The following CRACD variants were observed in gnomAD, a reference collection of about 807,000 sequenced individuals.
The protein encoded by CRACD is capping protein inhibiting regulator of actin dynamics, also known as capping protein-inhibiting regulator of actin dynamics.
Under a neutral mutation model 106.8 loss-of-function variants are expected in CRACD, and 56 were observed. The observed-to-expected ratio is 0.52, with a 90% confidence interval of 0.42 to 0.66. CRACD has a LOEUF of 0.66. CRACD is among the 30% of genes least tolerant of loss of function. The pLI, the probability that CRACD is intolerant of heterozygous loss-of-function variation, is 0.00. For missense variants in CRACD, 1,730 were observed against 1,623.2 expected, an observed-to-expected ratio of 1.07 and a Z score of -1.13; for synonymous variants, 754 against 670.8, an observed-to-expected ratio of 1.12 and a Z score of -1.92.
chr4:56,248,259 G>C (rs917201959), intron 2 of CRACD, among the ~76,000 whole-genome samples: 4 of 152,136 alleles, frequency 2.6e-5, no homozygotes, highest in African/African-American at 7.2e-5. Context: ...AATTTGTCCT[G>C]AGTCAGAGCT....
chr4:56,274,355 G>C (rs1371353216), intron 3 of CRACD, among the ~76,000 whole-genome samples: 3 of 152,206 alleles, frequency 2.0e-5, no homozygotes, highest in African/African-American at 7.2e-5. Flanking sequence ...AGTCTGGAAA[G>C]TTCTCCCTTA....
chr4:56,119,550 G>C (rs1020886492), intron 1 of CRACD, among the ~76,000 whole-genome samples: 1 of 151,836 alleles, frequency 6.6e-6, no homozygotes, highest in African/African-American at 2.4e-5. Context: ...TTCCAGGCTG[G>C]TCTTGAACTC....
chr4:56,139,326 CCTCTCTCTTT>C (rs567192469), intron 1 of CRACD, among the ~76,000 whole-genome samples: 1,637 of 151,086 alleles, frequency 0.011, 11 homozygotes, highest in Non-Finnish European at 0.018. Context: ...TTCCTCTCTT[CCTCTCTCTTT>C]CTCTCTCTCT....
intron 2 of CRACD, among the ~76,000 whole-genome samples, chr4:56,242,785 G>A (rs1436724323): frequency 1.3e-5 from 2 of 152,050 alleles, no homozygotes; most frequent in Admixed American, 6.5e-5. Context: ...TTTATCCCCT[G>A]GAAAAACAAA....
At chr4:56,053,482 A>G (rs1321614887) in intron 1 of CRACD, among the ~76,000 whole-genome samples, 1 of 152,214 alleles carries the variant, frequency 6.6e-6, no homozygotes, top group Non-Finnish European at 1.5e-5. Flanking sequence ...GAATACACAA[A>G]TAGATGCTTT....
chr4:56,231,141 C>G (rs1739595341), intron 2 of CRACD, among the ~76,000 whole-genome samples: 1 of 152,172 alleles, frequency 6.6e-6, no homozygotes, highest in Non-Finnish European at 1.5e-5. Flanking sequence ...TATTTTCCTT[C>G]TAGGCTATGT....
chr4:56,254,041 G>A (rs1285138837), intron 2 of CRACD, among the ~76,000 whole-genome samples: 1 of 152,168 alleles, frequency 6.6e-6, no homozygotes, highest in Admixed American at 6.5e-5. Context: ...AGTATCTGGT[G>A]CATGAGTTAA....
At chr4:56,135,176 C>G (rs1734960049) in intron 1 of CRACD, among the ~76,000 whole-genome samples, 1 of 152,184 alleles carries the variant, frequency 6.6e-6, no homozygotes, top group Non-Finnish European at 1.5e-5. Context: ...ATCCCAGCTA[C>G]TCAGGAGGCT....
chr4:56,192,776 T>TTCA (rs1737436091), intron 2 of CRACD, among the ~76,000 whole-genome samples: 1 of 152,124 alleles, frequency 6.6e-6, no homozygotes, highest in Non-Finnish European at 1.5e-5. Flanking sequence ...CTTTTCCTGA[T>TTCA]CTGAAAAAAA....
intron 1 of CRACD, among the ~76,000 whole-genome samples, chr4:56,093,381 C>T (rs1003252144): frequency 6.6e-6 from 1 of 152,250 alleles, no homozygotes; most frequent in Middle Eastern, 3.4e-3. Context: ...AGGTTCATGA[C>T]GCGTATTCAT....
chr4:56,177,328 A>G (rs1461112884), intron 1 of CRACD, among the ~76,000 whole-genome samples: 1 of 152,202 alleles, frequency 6.6e-6, no homozygotes, highest in Non-Finnish European at 1.5e-5. Flanking sequence ...AAATCATCAT[A>G]TAGTTTTTGT....
chr4:56,282,071 G>A (rs1743069210), intron 3 of CRACD, among the ~76,000 whole-genome samples: 1 of 152,190 alleles, frequency 6.6e-6, no homozygotes, highest in Non-Finnish European at 1.5e-5. Flanking sequence ...ACTCTAGTTT[G>A]TTTGATGAGG....
At chr4:56,298,959 T>G (rs1174167440) in intron 4 of CRACD, among the ~76,000 whole-genome samples, 1 of 152,050 alleles carries the variant, frequency 6.6e-6, no homozygotes, top group Non-Finnish European at 1.5e-5. Flanking sequence ...AACAAAAAGC[T>G]ATAGGACTTG....
At chr4:56,275,855 T>C (rs964402115) in intron 3 of CRACD, among the ~76,000 whole-genome samples, 4 of 152,206 alleles carry the variant, frequency 2.6e-5, no homozygotes, top group Admixed American at 2.0e-4. Flanking sequence ...TAATTAGAAC[T>C]GCCTGAAAAT....
intron 2 of CRACD, among the ~76,000 whole-genome samples, chr4:56,245,670 T>A (rs1289511631): frequency 1.3e-5 from 2 of 152,340 alleles, no homozygotes; most frequent in East Asian, 3.9e-4. Context: ...ACTGGTGGCA[T>A]AGGATGAATC....
intron 1 of CRACD, among the ~76,000 whole-genome samples, chr4:56,166,388 A>C (rs1736144973): frequency 6.6e-6 from 1 of 152,160 alleles, no homozygotes; most frequent in Non-Finnish European, 1.5e-5. Context: ...TAAATTAAGA[A>C]ATACTCATTT....
intron 1 of CRACD, among the ~76,000 whole-genome samples, chr4:56,086,375 T>C (rs1733220645): frequency 6.6e-6 from 1 of 151,984 alleles, no homozygotes; most frequent in African/African-American, 2.4e-5. Context: ...CCTCCTGGCC[T>C]CAAGCAATCC....
chr4:56,180,376 C>A (rs750452929), intron 2 of CRACD, among the ~76,000 whole-genome samples: 18 of 151,874 alleles, frequency 1.2e-4, no homozygotes, highest in Non-Finnish European at 2.6e-4. Flanking sequence ...GTAATCCCAG[C>A]TACTTGGGAG....
chr4:56,191,448 G>A (rs1005577568), intron 2 of CRACD, among the ~76,000 whole-genome samples: 1 of 149,816 alleles, frequency 6.7e-6, no homozygotes, highest in Admixed American at 6.7e-5. Context: ...TGTGACCTCT[G>A]CTTCTACCAT....
Sources: allele counts gnomAD v4.1 joint callset (sites outside exome capture counted in the v4.1 genomes callset), GRCh38; gene constraint gnomAD v4.1.1; transcripts MANE v1.5; gene names NCBI Gene and HGNC (gene_info 2026-07-23, HGNC 2026-07-21).